The following DGLUCY variants were observed in gnomAD, a reference collection of about 807,000 sequenced individuals.
DGLUCY encodes D-glutamate cyclase, mitochondrial.
In DGLUCY, 58 loss-of-function variants were observed where a neutral mutation model predicts 58.5. The ratio of observed to expected loss-of-function variants is 0.99; its 90% CI spans 0.80 to 1.23. The LOEUF (loss-of-function observed/expected upper bound fraction) is 1.23, where lower values mean the gene tolerates loss of function less well. DGLUCY is among the 50% of genes most tolerant of loss of function. The pLI is 0.00. For synonymous variants in DGLUCY, 325 were observed against 314.1 expected (o/e 1.03, Z -0.37); for missense variants, 779 against 784.7 (o/e 0.99, Z 0.09).
At chr14:91,068,315 A>G (rs1184838726) in intron 1 of DGLUCY, among the ~76,000 whole-genome samples, 1 of 152,198 alleles carries the variant, frequency 6.6e-6, no homozygotes, top group Non-Finnish European at 1.5e-5. Context: ...GCCAACCAGC[A>G]CACAGCTGTG....
In DGLUCY at chr14:91,225,133, ATCT is replaced by A; in HGVS notation, c.*304_*306del. The A allele has an allele frequency of 4.3e-6, 1 of 232,214 alleles. No individual in the cohort carries two copies. Among genetic ancestry groups the A allele is most frequent in the East Asian group, 9.1e-5 (1 of 11,044 alleles). 14.4% of individuals were successfully genotyped at this position (232,214 alleles called of 1,614,324 possible). Reference sequence around the variant, plus strand: ...GCAACCCACGTGGTCTCCTGTGAGAATCTTCTCGACAGTTACTTATGGGGACAC... The same window carrying A: ...GCAACCCACGTGGTCTCCTGTGAGAATCTCGACAGTTACTTATGGGGACAC... On this transcript the variant is annotated 3_prime_UTR_variant, in exon 14 of 14. Coordinates refer to ENST00000256324, the MANE Select transcript of DGLUCY (RefSeq NM_001102368.3).
intron 11 of DGLUCY, among the ~76,000 whole-genome samples, chr14:91,202,353 G>A (rs986157258): frequency 1.3e-5 from 2 of 152,168 alleles, no homozygotes; most frequent in African/African-American, 4.8e-5. Flanking sequence ...TTCCCTCTGG[G>A]TGGGTCTCAG....
intron 1 of DGLUCY, among the ~76,000 whole-genome samples, chr14:91,143,835 G>A (rs2046869856): frequency 1.3e-5 from 2 of 152,160 alleles, no homozygotes; most frequent in Admixed American, 1.3e-4. Flanking sequence ...GAAGTGTAGG[G>A]ATTCCATCTT....
Position 91,181,394 on chromosome 14 carries a change from GA to G in DGLUCY, c.934+8del. ...CTATGATCGGCATAGACCCAGGTAA[GA>G]AACAACACATTTGCTCGGCATAGAC... On this transcript the variant is annotated splice_donor_region_variant and intron_variant, in intron 8 of 13. Coordinates refer to ENST00000256324, the MANE Select transcript of DGLUCY (RefSeq NM_001102368.3). 6.2e-7 allele frequency: 1 copy of G among 1,611,490 alleles called. No homozygotes were observed. Among genetic ancestry groups the G allele is most frequent in the Non-Finnish European group, 8.5e-7 (1 of 1,179,008 alleles).
chr14:91,112,953 C>T (rs1053457944), upstream of DGLUCY, among the ~76,000 whole-genome samples: 4 of 134,126 alleles, frequency 3.0e-5, no homozygotes, highest in Admixed American at 8.5e-5. Context: ...GAGCCAAGAT[C>T]GCACCACTGC....
At chr14:91,060,618 T>A in exon 1 of DGLUCY, 3 of 800,202 alleles carry the variant, frequency 3.7e-6, no homozygotes, top group Non-Finnish European at 1.7e-6. Context: ...CTCCTCCCCC[T>A]TCGGCGGGCA....
chr14:91,096,716 C>T (rs907652956), intron 1 of DGLUCY, among the ~76,000 whole-genome samples: 5 of 152,132 alleles, frequency 3.3e-5, no homozygotes, highest in African/African-American at 1.2e-4. Context: ...GACTTCTGCA[C>T]CTACCAAGGT....
chr14:91,113,078 G>GATCACAAGGGCAGGCGC (rs2044738152), upstream of DGLUCY, among the ~76,000 whole-genome samples: 1 of 151,084 alleles, frequency 6.6e-6, no homozygotes, highest in South Asian at 2.1e-4. Flanking sequence ...GAGGCAGGCG[G>GATCACAAGGGCAGGCGC]ATCACAAGGG....
At chr14:91,168,609 C>T (rs1450444902) in intron 4 of DGLUCY, among the ~76,000 whole-genome samples, 1 of 152,184 alleles carries the variant, frequency 6.6e-6, no homozygotes, top group African/African-American at 2.4e-5. Flanking sequence ...ATGCCTTCTT[C>T]CTTGCCCAAC....
At chr14:91,178,402 G>A (rs1037432121) in intron 7 of DGLUCY, among the ~76,000 whole-genome samples, 19 of 152,168 alleles carry the variant, frequency 1.2e-4, no homozygotes. Context: ...GGGCTCAAGC[G>A]ATCCTCCCAC....
chr14:91,158,006 A>G (rs994846223), intron 2 of DGLUCY, among the ~76,000 whole-genome samples: 1 of 152,144 alleles, frequency 6.6e-6, no homozygotes, highest in Non-Finnish European at 1.5e-5. Flanking sequence ...GGCCCATTCC[A>G]GTGGGTTTGG....
chr14:91,203,756 A>G (rs2050714612), intron 11 of DGLUCY, among the ~76,000 whole-genome samples: 1 of 151,304 alleles, frequency 6.6e-6, no homozygotes, highest in African/African-American at 2.4e-5. Flanking sequence ...AGCTCCCTAT[A>G]ACCTCTGCCT....
At chr14:91,066,553 C>T (rs1025832923) in intron 1 of DGLUCY, among the ~76,000 whole-genome samples, 4 of 152,186 alleles carry the variant, frequency 2.6e-5, no homozygotes, top group Admixed American at 2.6e-4. Flanking sequence ...TACCTCTTCA[C>T]TGAGAAGCGG....
intron 1 of DGLUCY, among the ~76,000 whole-genome samples, chr14:91,144,354 G>GT (rs1442560064): frequency 6.6e-6 from 1 of 152,178 alleles, no homozygotes; most frequent in Non-Finnish European, 1.5e-5. Flanking sequence ...TAGGTCAGGA[G>GT]TTTGAGACCG....
chr14:91,182,337 T>C (rs2140461407), intron 8 of DGLUCY, among the ~76,000 whole-genome samples: 1 of 152,076 alleles, frequency 6.6e-6, no homozygotes, highest in South Asian at 2.1e-4. Context: ...GGAAGTTCGT[T>C]GAGTTTATTT....
chr14:91,177,634 A>G (rs1481186349), intron 7 of DGLUCY, among the ~76,000 whole-genome samples: 1 of 152,234 alleles, frequency 6.6e-6, no homozygotes, highest in Non-Finnish European at 1.5e-5. Context: ...GACACTGGAA[A>G]ATTCTGGCCA....
In DGLUCY at chr14:91,167,320, G is replaced by A. The variant is rs770413355; in HGVS notation, c.199G>A (p.Gly67Ser). 1.2e-6 allele frequency: 2 copies of A among 1,613,850 alleles called. No homozygotes were observed. The highest frequency in any genetic ancestry group is 1.3e-5 in the African/African-American group (1 of 74,892). Residue 67 changes from glycine (G) to serine (S), a missense_variant, in exon 4 of 14, where the codon GGC becomes AGC. Transcript: ENST00000256324. ...QVNTGPLPLL[G>S]QSEPEKWMLP... Reference sequence around the variant, plus strand: ...CAACACTGGTCCTCTACCCCTGCTGGGCCAGAGTGAGCCAGAAAAGTGGAT... The same window carrying A: ...CAACACTGGTCCTCTACCCCTGCTGAGCCAGAGTGAGCCAGAAAAGTGGAT...
At chr14:91,074,308 AAAAAAT>A (rs1342052765) in intron 1 of DGLUCY, among the ~76,000 whole-genome samples, 6 of 142,288 alleles carry the variant, frequency 4.2e-5, no homozygotes, top group South Asian at 2.2e-4. Context: ...AAAAAAAAAA[AAAAAAT>A]ATATATATAT....
chr14:91,072,853 C>G (rs910250374), intron 1 of DGLUCY, among the ~76,000 whole-genome samples: 6 of 151,882 alleles, frequency 4.0e-5, no homozygotes, highest in African/African-American at 1.5e-4. Flanking sequence ...ACTAAAAATA[C>G]AAAAAATTAG....
Sources: gnomAD v4.1 joint callset for allele counts (sites outside exome capture counted in the v4.1 genomes callset) on GRCh38, gnomAD v4.1.1 for gene constraint, MANE v1.5 for transcripts, NCBI Gene and HGNC (gene_info 2026-07-23, HGNC 2026-07-21) for gene names.